Variants in CLVS1 observed in about 807,000 individuals in gnomAD.
CLVS1 encodes the protein clavesin-1.
Under a neutral mutation model 33.1 loss-of-function variants are expected in CLVS1, and 10 were observed. The ratio of observed to expected loss-of-function variants is 0.30; its 90% confidence interval spans 0.19 to 0.51. The LOEUF (loss-of-function observed/expected upper bound fraction) is 0.51, where lower values mean the gene tolerates loss of function less well. CLVS1 is among the 20% of genes least tolerant of loss of function. The pLI is 0.97. For synonymous variants in CLVS1, 163 were observed against 166.1 expected (o/e 0.98, Z 0.14); for missense variants, 343 against 433.4 (o/e 0.79, Z 1.85).
At chr8:61,131,134 C>T (rs1043637000) in intron 1 of CLVS1, among the ~76,000 whole-genome samples, 4 of 152,146 alleles carry the variant, frequency 2.6e-5, no homozygotes, top group African/African-American at 7.2e-5. Context: ...TCTTACCAGC[C>T]AACATTGTCC....
intron 2 of CLVS1, among the ~76,000 whole-genome samples, chr8:61,306,077 T>TG (rs1810615956): frequency 2.0e-5 from 3 of 152,178 alleles, no homozygotes; most frequent in Admixed American, 2.0e-4. Context: ...CTGGGTCAAG[T>TG]GGTATTTCTG....
chr8:61,034,097 C>G, the CLVS1 span, among the ~76,000 whole-genome samples: 1 of 152,168 alleles, frequency 6.6e-6, no homozygotes, highest in Admixed American at 6.5e-5. Context: ...TCAATTTTCA[C>G]CCTGGGCCCG....
In CLVS1 at chr8:61,487,787, T is replaced by TA. The variant is rs573279567; in HGVS notation, c.978-11661dup. The stretch of plus-strand genomic sequence containing the variant: ...ATCCACTAATATACTGTCATTTGAC[T>TA]AAAAAAACATAATTATGAAACCTAC... On this transcript the variant is annotated intron_variant, in intron 5 of 5. Coordinates refer to ENST00000325897, the MANE Select transcript of CLVS1 (RefSeq NM_173519.3). Among the ~76,000 whole-genome samples the TA allele has an allele frequency of 4.4e-4, 67 of 152,302 alleles. 1 individual carries two copies. The East Asian group carries it at 0.011, about 25-fold the overall frequency.
chr8:61,098,028 G>A (rs947162074), intron 1 of CLVS1, among the ~76,000 whole-genome samples: 13 of 152,072 alleles, frequency 8.5e-5, no homozygotes, highest in African/African-American at 1.2e-4. Context: ...GTATGATGTC[G>A]TACACCTGTA....
intron 1 of CLVS1, among the ~76,000 whole-genome samples, chr8:61,121,725 C>G (rs10216609): frequency 6.6e-6 from 1 of 151,898 alleles, no homozygotes; most frequent in African/African-American, 2.4e-5. Context: ...AAAGTATACA[C>G]AAAAACAGCA....
At chr8:61,259,421 G>T (rs1354964188) in intron 2 of CLVS1, among the ~76,000 whole-genome samples, 2 of 152,200 alleles carry the variant, frequency 1.3e-5, no homozygotes, top group Admixed American at 6.5e-5. Context: ...CAGCAGGTCA[G>T]GTAGTCCTTA....
Position 61,212,080 on chromosome 8 carries a change from A to G in CLVS1, c.-152+80220A>G, listed in dbSNP as rs182589243. Reference sequence around the variant, plus strand: ...AGACTTCCCACCCCCAGAACAGGAGATAATAAATTCGTGTTGTTTTAAGCC... The same window carrying G: ...AGACTTCCCACCCCCAGAACAGGAGGTAATAAATTCGTGTTGTTTTAAGCC... On this transcript the variant is annotated intron_variant, in intron 2 of 2. Coordinates refer to the CLVS1 transcript ENST00000522621. Among the ~76,000 whole-genome samples the G allele has an allele frequency of 4.3e-3, 659 of 152,276 alleles. 15 individuals carry two copies. The highest frequency in any genetic ancestry group is 0.04 in the Admixed American group (612 of 15,302).
At chr8:61,290,840 T>C (rs996792493) in intron 1 of CLVS1, among the ~76,000 whole-genome samples, 1 of 152,234 alleles carries the variant, frequency 6.6e-6, no homozygotes, top group African/African-American at 2.4e-5. Context: ...GACCTTCTTT[T>C]CAACCTTCTC....
At chr8:61,219,577 T>A (rs573892738) in intron 2 of CLVS1, among the ~76,000 whole-genome samples, 70 of 152,226 alleles carry the variant, frequency 4.6e-4, no homozygotes, top group Non-Finnish European at 9.4e-4. Flanking sequence ...TTTCCATGGC[T>A]TTGCTATTTT....
intron 2 of CLVS1, among the ~76,000 whole-genome samples, chr8:61,304,632 T>G (rs1273990125): frequency 6.6e-6 from 1 of 152,200 alleles, no homozygotes; most frequent in Non-Finnish European, 1.5e-5. Flanking sequence ...GCATTGGCAA[T>G]AATTCACCAT....
At chr8:61,173,606 A>C (rs1044837444) in intron 2 of CLVS1, among the ~76,000 whole-genome samples, 2 of 152,182 alleles carry the variant, frequency 1.3e-5, no homozygotes, top group Non-Finnish European at 2.9e-5. Context: ...TTGTTGACCC[A>C]AAGATCATTC....
In CLVS1 at chr8:61,499,740, T is replaced by TC. The variant is rs1220507993; in HGVS notation, c.*198_*199insC. 1.2e-5 allele frequency: 5 copies of TC among 410,426 alleles called. No individual in the cohort carries two copies. The highest frequency in any genetic ancestry group is 2.0e-5 in the African/African-American group (1 of 50,508). The allele number at this position is 410,426 out of a possible 1,614,324, so 25.4% of individuals were successfully genotyped here. A position where few individuals can be genotyped will look rare whatever the true frequency, so the allele number is the denominator to read the frequency against. On this transcript the variant is annotated 3_prime_UTR_variant, in exon 6 of 6. Transcript: ENST00000325897. ...GGACAAAGACTTGAGAGATGCTTTT[T>TC]TTTTCCCCCAGTGAGGGGACTGGAG...
At chr8:61,211,012 T>G (rs1014711522) in intron 2 of CLVS1, among the ~76,000 whole-genome samples, 12 of 144,910 alleles carry the variant, frequency 8.3e-5, no homozygotes, top group Admixed American at 3.4e-4. Context: ...AAGGGGAGAG[T>G]AAAGTAGAGG....
intron 2 of CLVS1, among the ~76,000 whole-genome samples, chr8:61,146,178 A>T (rs556326045): frequency 1.8e-4 from 27 of 152,340 alleles, no homozygotes; most frequent in Admixed American, 1.5e-3. Flanking sequence ...GGAAAAAAAA[A>T]TTAAATGCAC....
intron 2 of CLVS1, among the ~76,000 whole-genome samples, chr8:61,332,765 G>A (rs960007710): frequency 1.3e-5 from 2 of 152,070 alleles, no homozygotes; most frequent in African/African-American, 4.8e-5. Flanking sequence ...AGCCTCCCGA[G>A]TGAGTAACTG....
At chr8:61,166,636 A>G (rs1254238835) in intron 2 of CLVS1, among the ~76,000 whole-genome samples, 1 of 152,062 alleles carries the variant, frequency 6.6e-6, no homozygotes, top group African/African-American at 2.4e-5. Flanking sequence ...TTGATTAGTA[A>G]TTACCCTAAG....
chr8:61,454,357 T>G, intron 4 of CLVS1, 106 bp downstream of exon 4: 1 of 862,252 alleles, frequency 1.2e-6, no homozygotes, highest in Non-Finnish European at 2.0e-6. Context: ...CTTTCTCTCT[T>G]TATCTTTCAC....
intron 1 of CLVS1, among the ~76,000 whole-genome samples, chr8:61,085,860 A>G (rs1019930381): frequency 4.6e-5 from 7 of 151,664 alleles, no homozygotes; most frequent in African/African-American, 1.7e-4. Context: ...CACCTCTACT[A>G]AAAATACAAA....
At chr8:61,367,654 C>T (rs1180049801) in intron 2 of CLVS1, among the ~76,000 whole-genome samples, 1 of 152,206 alleles carries the variant, frequency 6.6e-6, no homozygotes, top group Admixed American at 6.5e-5. Flanking sequence ...CTCTGCACTT[C>T]ATCATTACCA....
Sources: gnomAD v4.1 joint callset for allele counts (sites outside exome capture counted in the v4.1 genomes callset) on GRCh38, gnomAD v4.1.1 for gene constraint, MANE v1.5 for transcripts, NCBI Gene and HGNC (gene_info 2026-07-23, HGNC 2026-07-21) for gene names.